Variants in POU3F3 observed in about 807,000 individuals in gnomAD.
POU3F3 encodes POU class 3 homeobox 3.
A neutral mutation model predicts 8.6 loss-of-function variants in POU3F3; 1 was observed. That is an observed-to-expected ratio of 0.12 (90% confidence interval 0.04 to 0.55). POU3F3 has a LOEUF of 0.55. POU3F3 is among the 20% of genes least tolerant of loss of function. The pLI is 0.91. For missense variants in POU3F3, 577 were observed against 690.7 expected (o/e 0.84, Z 1.84); for synonymous variants, 418 against 327.4 (o/e 1.28, Z -2.99).
At chr2:104,896,517 T>C in the POU3F3 span, among the ~76,000 whole-genome samples, 30 of 152,380 alleles carry the variant, frequency 2.0e-4, no homozygotes, top group African/African-American at 6.5e-4. Context: ...TGTTCACCCA[T>C]ACTTTTGTAA....
the POU3F3 span, among the ~76,000 whole-genome samples, chr2:104,887,131 ACT>A: frequency 1.3e-5 from 2 of 152,120 alleles, no homozygotes; most frequent in Non-Finnish European, 2.9e-5. Context: ...CAGTCACGGC[ACT>A]GGTGGGAGTG....
the POU3F3 span, among the ~76,000 whole-genome samples, chr2:104,897,850 C>T: frequency 6.6e-6 from 1 of 152,174 alleles, no homozygotes; most frequent in Non-Finnish European, 1.5e-5. Flanking sequence ...AAGACCAACA[C>T]ATGGAAGCCA....
the POU3F3 span, among the ~76,000 whole-genome samples, chr2:104,875,689 T>C: frequency 6.6e-6 from 1 of 152,192 alleles, no homozygotes; most frequent in East Asian, 1.9e-4. Flanking sequence ...CTCTTTTAAC[T>C]TTTGTTTTGT....
chr2:104,853,944 T>C (rs1434910691), upstream of POU3F3: 2 of 151,874 alleles, frequency 1.3e-5, no homozygotes, highest in Non-Finnish European at 2.9e-5. Flanking sequence ...TCTGCCTAAA[T>C]TAAAAAGCAA....
rs889837635 is a variant in POU3F3 at position 104,854,828 on chromosome 2, G to A, written c.-683G>A. On this transcript the variant is annotated 5_prime_UTR_variant, in exon 1 of 1. Transcript: ENST00000361360. This position sits in a 1 kb window ranked among gnomAD's most constrained non-coding sequence, Gnocchi z 4.5. Reference sequence around the variant, plus strand: ...TTTACTACTCTAAGGGAAAACGAGTGAAATGTGTTCCTGAGGAGGAGAGGA... The same window carrying A: ...TTTACTACTCTAAGGGAAAACGAGTAAAATGTGTTCCTGAGGAGGAGAGGA... 3.3e-5 allele frequency among the ~76,000 whole-genome samples: 5 copies of A among 152,190 alleles called. No individual in the cohort carries two copies. Among genetic ancestry groups the A allele is most frequent in the African/African-American group, 9.6e-5 (4 of 41,454 alleles).
At chr2:104,910,900 A>G in the POU3F3 span, among the ~76,000 whole-genome samples, 1 of 152,234 alleles carries the variant, frequency 6.6e-6, no homozygotes, top group Middle Eastern at 3.2e-3. Flanking sequence ...AAAAAAATAC[A>G]AATTTAAAAA....
the POU3F3 span, chr2:104,868,054 C>G: frequency 2.8e-6 from 1 of 355,696 alleles, no homozygotes; most frequent in South Asian, 2.1e-5. Flanking sequence ...GATTGGCGCC[C>G]CAGCACCGGG....
At chr2:104,893,977 G>C in the POU3F3 span, among the ~76,000 whole-genome samples, 1 of 152,170 alleles carries the variant, frequency 6.6e-6, no homozygotes, top group East Asian at 1.9e-4. Context: ...CTATGGCACG[G>C]CTATGTACAC....
At chr2:104,903,637 C>T in the POU3F3 span, among the ~76,000 whole-genome samples, 3 of 152,168 alleles carry the variant, frequency 2.0e-5, no homozygotes, top group African/African-American at 4.8e-5. Flanking sequence ...AACACAGACA[C>T]GCAAATGGCA....
the POU3F3 span, among the ~76,000 whole-genome samples, chr2:104,902,108 C>G: frequency 6.6e-6 from 1 of 152,074 alleles, no homozygotes; most frequent in African/African-American, 2.4e-5. Context: ...CTCTCCCTAT[C>G]TCTCCCTCTC....
chr2:104,859,355 T>A (rs1359109607), downstream of POU3F3, among the ~76,000 whole-genome samples: 2 of 152,232 alleles, frequency 1.3e-5, no homozygotes, highest in Non-Finnish European at 2.9e-5. Context: ...AGTTAATGTT[T>A]CAATATTTAC....
chr2:104,894,120 C>G, the POU3F3 span, among the ~76,000 whole-genome samples: 1 of 152,358 alleles, frequency 6.6e-6, no homozygotes. Flanking sequence ...CTCAGCCTCT[C>G]TGTGCCTCAG....
the POU3F3 span, among the ~76,000 whole-genome samples, chr2:104,881,484 A>G: frequency 2.0e-5 from 3 of 151,982 alleles, no homozygotes; most frequent in Admixed American, 1.3e-4. Flanking sequence ...TTCATATGCA[A>G]TGGTTACACA....
the POU3F3 span, among the ~76,000 whole-genome samples, chr2:104,897,717 A>G: frequency 3.3e-5 from 5 of 152,258 alleles, no homozygotes; most frequent in Non-Finnish European, 5.9e-5. Context: ...TTTTGTCTGC[A>G]CACTGCTGAA....
chr2:104,882,413 G>A, the POU3F3 span, among the ~76,000 whole-genome samples: 115 of 151,898 alleles, frequency 7.6e-4, 1 homozygote, highest in African/African-American at 2.6e-3. Context: ...CACCATGCCC[G>A]GCTAATTTTT....
the POU3F3 span, chr2:104,872,639 C>G: frequency 3.0e-4 from 78 of 257,878 alleles, no homozygotes; most frequent in African/African-American, 1.8e-3. The surrounding 1 kb of genome is among the most constrained non-coding windows in gnomAD (Gnocchi z 4.6). Flanking sequence ...AGGCCGCGGG[C>G]TCCCCTCCGC....
At chr2:104,920,019 T>G in the POU3F3 span, among the ~76,000 whole-genome samples, 2 of 152,138 alleles carry the variant, frequency 1.3e-5, no homozygotes, top group Non-Finnish European at 2.9e-5. Flanking sequence ...TTATTTATTT[T>G]TTTATTATTA....
chr2:104,892,083 G>A, the POU3F3 span, among the ~76,000 whole-genome samples: 355 of 152,300 alleles, frequency 2.3e-3, 2 homozygotes, highest in African/African-American at 8.2e-3. Context: ...GCTGGACACA[G>A]TGCCTGAGAG....
downstream of POU3F3, among the ~76,000 whole-genome samples, chr2:104,862,768 TC>T: frequency 6.6e-6 from 1 of 152,232 alleles, no homozygotes; most frequent in East Asian, 1.9e-4. Context: ...GCAACTAAAT[TC>T]AAGCAGGGCT....
Sources: gnomAD v4.1 joint callset for allele counts (sites outside exome capture counted in the v4.1 genomes callset) on GRCh38, gnomAD v4.1.1 for gene constraint, Gnocchi (gnomAD v3.1) non-coding constraint, MANE v1.5 for transcripts, NCBI Gene and HGNC (gene_info 2026-07-23, HGNC 2026-07-21) for gene names.